The following BMPR1B variants were observed in gnomAD, a reference collection of about 807,000 sequenced individuals.
BMPR1B encodes bone morphogenetic protein receptor type-1B.
A neutral mutation model predicts 59.1 loss-of-function variants in BMPR1B; 12 were observed. That is an observed-to-expected ratio of 0.20 (90% confidence interval 0.13 to 0.33). The LOEUF is 0.33. Ranked by LOEUF, BMPR1B falls within the 10% of genes least tolerant of loss-of-function variation. The pLI is 1.00. For synonymous variants in BMPR1B, 237 were observed against 207.3 expected (o/e 1.14, Z -1.23); for missense variants, 550 against 610.9 (o/e 0.90, Z 1.05).
chr4:94,911,754 G>C (rs1047653446), intron 2 of BMPR1B, among the ~76,000 whole-genome samples: 4 of 152,066 alleles, frequency 2.6e-5, no homozygotes, highest in African/African-American at 9.7e-5. Flanking sequence ...GTACATCTAA[G>C]GTATATAAAG....
At chr4:95,026,531 A>G (rs1724427077) in intron 3 of BMPR1B, among the ~76,000 whole-genome samples, 1 of 152,094 alleles carries the variant, frequency 6.6e-6, no homozygotes, top group African/African-American at 2.4e-5. Flanking sequence ...TTTAGAGGCC[A>G]TTAGAAGTTT....
At chr4:95,099,860 T>TC (rs1009011596) in intron 3 of BMPR1B, among the ~76,000 whole-genome samples, 8 of 152,238 alleles carry the variant, frequency 5.3e-5, no homozygotes, top group South Asian at 2.1e-4. Context: ...AGTTATTTTT[T>TC]CTCATCCCTG....
At chr4:94,813,621 T>A (rs1723902393) in intron 1 of BMPR1B, among the ~76,000 whole-genome samples, 1 of 152,156 alleles carries the variant, frequency 6.6e-6, no homozygotes, top group African/African-American at 2.4e-5. Context: ...ATGAAGAGTT[T>A]TGAGTAGAAA....
intron 11 of BMPR1B, among the ~76,000 whole-genome samples, chr4:95,152,016 T>C (rs1735081426): frequency 1.3e-5 from 2 of 152,158 alleles, no homozygotes; most frequent in South Asian, 4.1e-4. Flanking sequence ...CTTTTAACAA[T>C]ACATATTTTT....
chr4:94,846,859 G>T (rs1184532374), intron 1 of BMPR1B, among the ~76,000 whole-genome samples: 1 of 150,730 alleles, frequency 6.6e-6, no homozygotes, highest in Admixed American at 6.7e-5. Flanking sequence ...AAAAAAAAAC[G>T]TTGGGGAAAC....
intron 8 of BMPR1B, among the ~76,000 whole-genome samples, chr4:95,128,940 TTC>T (rs1397488146): frequency 6.6e-6 from 1 of 152,050 alleles, no homozygotes; most frequent in Non-Finnish European, 1.5e-5. Flanking sequence ...TCTTCTCTCA[TTC>T]TCTTTCTTTC....
intron 1 of BMPR1B, among the ~76,000 whole-genome samples, chr4:94,783,310 T>G (rs1450621198): frequency 6.6e-6 from 1 of 152,214 alleles, no homozygotes; most frequent in Non-Finnish European, 1.5e-5. Flanking sequence ...GGAGGACTCT[T>G]AACTCTTTTC....
chr4:95,145,607 T>C (rs1439153606), intron 10 of BMPR1B, among the ~76,000 whole-genome samples: 2 of 152,232 alleles, frequency 1.3e-5, no homozygotes, highest in African/African-American at 4.8e-5. Context: ...AGCTTGATTT[T>C]TCTCTGCCAT....
chr4:94,989,268 AG>A (rs1721592012), intron 2 of BMPR1B, among the ~76,000 whole-genome samples: 1 of 151,988 alleles, frequency 6.6e-6, no homozygotes, highest in Admixed American at 6.6e-5. Context: ...GCGTGCCTAT[AG>A]TCCCAGCTCC....
chr4:94,870,110 A>G (rs1466893566), intron 1 of BMPR1B, among the ~76,000 whole-genome samples: 1 of 152,240 alleles, frequency 6.6e-6, no homozygotes, highest in African/African-American at 2.4e-5. Context: ...TTCTATTTTT[A>G]TAAACTCTGA....
intron 3 of BMPR1B, among the ~76,000 whole-genome samples, chr4:95,016,338 A>G (rs1402789320): frequency 6.6e-6 from 1 of 152,202 alleles, no homozygotes; most frequent in East Asian, 1.9e-4. Context: ...TATTTTTCAA[A>G]TGATCAGTGA....
At chr4:95,121,254 A>C (rs1053031612) in intron 6 of BMPR1B, among the ~76,000 whole-genome samples, 1 of 152,254 alleles carries the variant, frequency 6.6e-6, no homozygotes, top group African/African-American at 2.4e-5. Context: ...GGAGAACTAC[A>C]AAACACTGCT....
chr4:94,821,712 C>T (rs771876662), intron 1 of BMPR1B, among the ~76,000 whole-genome samples: 1 of 152,082 alleles, frequency 6.6e-6, no homozygotes, highest in African/African-American at 2.4e-5. Flanking sequence ...GTGTTAAATT[C>T]GATGGATTTA....
At chr4:95,106,763 C>T (rs913484118) in intron 4 of BMPR1B, among the ~76,000 whole-genome samples, 18 of 151,796 alleles carry the variant, frequency 1.2e-4, no homozygotes, top group African/African-American at 3.1e-4. Context: ...TCACTGTTTG[C>T]GGTGAAACAG....
intron 2 of BMPR1B, among the ~76,000 whole-genome samples, chr4:94,913,622 A>C (rs1043098877): frequency 1.3e-5 from 2 of 151,910 alleles, no homozygotes; most frequent in African/African-American, 4.8e-5. Flanking sequence ...CATTGTATTC[A>C]TGCTTATTCT....
chr4:94,946,578 A>G (rs956064900), intron 2 of BMPR1B, among the ~76,000 whole-genome samples: 8 of 152,308 alleles, frequency 5.3e-5, no homozygotes, highest in Middle Eastern at 3.4e-3. Flanking sequence ...ATTGAACCTT[A>G]ATACCTGTTT....
intron 2 of BMPR1B, among the ~76,000 whole-genome samples, chr4:94,942,227 TTCA>T (rs1276088547): frequency 6.6e-6 from 1 of 152,200 alleles, no homozygotes; most frequent in Non-Finnish European, 1.5e-5. Context: ...TGCATGAGGA[TTCA>T]ATGAAAGACA....
intron 2 of BMPR1B, among the ~76,000 whole-genome samples, chr4:94,886,043 CAA>C (rs2148984654): frequency 6.6e-6 from 1 of 152,180 alleles, no homozygotes; most frequent in South Asian, 2.1e-4. Flanking sequence ...AGTTCCAAGA[CAA>C]AGATTGTTAA....
intron 3 of BMPR1B, among the ~76,000 whole-genome samples, chr4:95,050,952 T>G (rs1726456574): frequency 6.6e-6 from 1 of 152,212 alleles, no homozygotes; most frequent in Non-Finnish European, 1.5e-5. Context: ...ACAATTACAG[T>G]TAAAATCTAA....
Sources: gnomAD v4.1 joint callset for allele counts (sites outside exome capture counted in the v4.1 genomes callset) on GRCh38, gnomAD v4.1.1 for gene constraint, MANE v1.5 for transcripts, NCBI Gene and HGNC (gene_info 2026-07-23, HGNC 2026-07-21) for gene names.